CA10: variants seen among roughly 807,000 people sequenced by gnomAD.
The protein encoded by CA10 is carbonic anhydrase-related protein 10.
In CA10, 14 loss-of-function variants were observed where a neutral mutation model predicts 44.2. The ratio of observed to expected loss-of-function variants is 0.32; its 90% CI spans 0.21 to 0.50. The LOEUF (loss-of-function observed/expected upper bound fraction) is 0.50. CA10 is among the 20% of genes least tolerant of loss of function. The probability of loss-of-function intolerance (pLI) is 0.99; values close to 1 mark genes in which losing one functional copy is unlikely to be tolerated. For missense variants in CA10, 350 were observed against 409.7 expected (o/e 0.85, Z 1.26); for synonymous variants, 159 against 141.6 (o/e 1.12, Z -0.87).
intron 2 of CA10, among the ~76,000 whole-genome samples, chr17:52,063,479 G>A (rs886888562): frequency 6.6e-6 from 1 of 152,168 alleles, no homozygotes; most frequent in African/African-American, 2.4e-5. Context: ...TGTTGCAGGT[G>A]GGGTCTAATG....
In CA10 at chr17:51,857,763, T is replaced by C. The variant is rs536836405; in HGVS notation, c.279+73227A>G. On this transcript the variant is annotated intron_variant, in intron 3 of 8. Coordinates refer to ENST00000451037, the MANE Select transcript of CA10 (RefSeq NM_020178.5). ...ACGATCTGAATGACATAAGAGACAG[T>C]GGATGACACAAGCACAATATTCTGC... Among the ~76,000 whole-genome samples the C allele has an allele frequency of 1.8e-3, 280 of 152,238 alleles. 1 individual carries two copies. The highest frequency in any genetic ancestry group is 6.4e-3 in the African/African-American group (265 of 41,552).
At position 51,922,612 on chromosome 17, in the gene CA10, G is replaced by C. The variant is rs542645226; in HGVS notation, c.279+8378C>G. Among the ~76,000 whole-genome samples the C allele has an allele frequency of 2.6e-5, 4 of 152,148 alleles. No individual in the cohort carries two copies. In the East Asian group the frequency reaches 7.7e-4, roughly 29 times the overall value. The stretch of plus-strand genomic sequence containing the variant: ...TATTTCTCATAAAATTCCCCGTGCT[G>C]CCACTTCGATATCTTTAGCTCCTGC... On this transcript the variant is annotated intron_variant, in intron 3 of 8. Transcript: ENST00000451037.
chr17:51,878,370 A>G (rs1428308988), intron 3 of CA10, among the ~76,000 whole-genome samples: 1 of 152,104 alleles, frequency 6.6e-6, no homozygotes, highest in Non-Finnish European at 1.5e-5. Context: ...TGTAGGAAGT[A>G]TGACCCTAAG....
intron 3 of CA10, among the ~76,000 whole-genome samples, chr17:51,787,129 G>T (rs1466755274): frequency 2.0e-5 from 3 of 152,190 alleles, no homozygotes; most frequent in Admixed American, 6.5e-5. Context: ...TCGGCCTGCA[G>T]TTGTCTTTCT....
At chr17:51,686,408 A>G (rs1200530179) in intron 4 of CA10, among the ~76,000 whole-genome samples, 1 of 152,166 alleles carries the variant, frequency 6.6e-6, no homozygotes, top group Non-Finnish European at 1.5e-5. Context: ...TCACCAAAGT[A>G]TCTCAATCAG....
Position 51,875,307 on chromosome 17 carries a change from A to T in CA10, c.279+55683T>A, listed in dbSNP as rs563059668. Among the ~76,000 whole-genome samples the T allele has an allele frequency of 1.6e-4, 24 of 152,286 alleles. No homozygotes were observed. In the South Asian group the frequency reaches 2.5e-3, roughly 16 times the overall value. On this transcript the variant is annotated intron_variant, in intron 3 of 8. Coordinates refer to ENST00000451037, the MANE Select transcript of CA10 (RefSeq NM_020178.5). Reference sequence around the variant, plus strand: ...ATTATGGGTATGAGGCACTGTGCCCAGCCTAGAAAGGCAGTTTTGACCTGG... The same window carrying T: ...ATTATGGGTATGAGGCACTGTGCCCTGCCTAGAAAGGCAGTTTTGACCTGG...
intron 2 of CA10, among the ~76,000 whole-genome samples, chr17:51,952,250 T>C (rs558780277): frequency 6.6e-6 from 1 of 152,312 alleles, no homozygotes; most frequent in South Asian, 2.1e-4. Context: ...TATCACACAC[T>C]GGGTGGTGAA....
At chr17:51,806,230 G>C (rs1907131186) in intron 3 of CA10, among the ~76,000 whole-genome samples, 1 of 152,172 alleles carries the variant, frequency 6.6e-6, no homozygotes. Context: ...CTATATTAGA[G>C]GGAGGAGAAA....
At chr17:51,764,490 G>C (rs1905299909) in intron 3 of CA10, among the ~76,000 whole-genome samples, 2 of 152,232 alleles carry the variant, frequency 1.3e-5, no homozygotes, top group Admixed American at 6.5e-5. Flanking sequence ...ACACAGGACA[G>C]GGCAGGTCCT....
chr17:52,083,913 T>TC (rs397710981), intron 1 of CA10, among the ~76,000 whole-genome samples: 1 of 151,896 alleles, frequency 6.6e-6, no homozygotes, highest in Non-Finnish European at 1.5e-5. Flanking sequence ...ATTTCTTTTT[T>TC]AGAGTAGATA....
intron 2 of CA10, among the ~76,000 whole-genome samples, chr17:52,029,663 G>A (rs947440734): frequency 2.6e-5 from 4 of 152,126 alleles, no homozygotes; most frequent in Admixed American, 1.3e-4. Flanking sequence ...CTGTCAGGAT[G>A]TTTGGCCAAT....
intron 4 of CA10, among the ~76,000 whole-genome samples, chr17:51,744,648 G>A (rs2143597486): frequency 6.6e-6 from 1 of 151,890 alleles, no homozygotes; most frequent in African/African-American, 2.4e-5. Context: ...AATAATTCCA[G>A]TAATATGAAG....
intron 2 of CA10, among the ~76,000 whole-genome samples, chr17:52,012,527 C>T (rs953305599): frequency 8.6e-5 from 13 of 151,872 alleles, no homozygotes; most frequent in Non-Finnish European, 1.5e-4. Context: ...GGTGAAAGGG[C>T]CCTTAGATAT....
At chr17:52,013,840 G>A (rs181478762) in intron 2 of CA10, among the ~76,000 whole-genome samples, 7 of 152,008 alleles carry the variant, frequency 4.6e-5, no homozygotes, top group Admixed American at 2.0e-4. Flanking sequence ...ATAAAATAAC[G>A]TAGTATAGTT....
chr17:51,972,801 C>T (rs1598147364), intron 2 of CA10, among the ~76,000 whole-genome samples: 1 of 150,786 alleles, frequency 6.6e-6, no homozygotes, highest in East Asian at 1.9e-4. Flanking sequence ...AATCTAAAAC[C>T]AAAAACTTAG....
chr17:52,067,012 C>T (rs1987555150), intron 2 of CA10, among the ~76,000 whole-genome samples: 1 of 152,142 alleles, frequency 6.6e-6, no homozygotes, highest in Non-Finnish European at 1.5e-5. Context: ...AGTTTGCAGC[C>T]TGATGATGTG....
intron 3 of CA10, among the ~76,000 whole-genome samples, chr17:51,845,742 G>A: frequency 6.6e-6 from 1 of 152,150 alleles, no homozygotes; most frequent in East Asian, 1.9e-4. Flanking sequence ...GATAAAAAGT[G>A]GGCTTCTTTC....
At chr17:51,828,590 A>G (rs1908119910) in intron 3 of CA10, among the ~76,000 whole-genome samples, 1 of 152,298 alleles carries the variant, frequency 6.6e-6, no homozygotes, top group Admixed American at 6.5e-5. Flanking sequence ...AAGGCATCCC[A>G]AACTTTTACT....
At chr17:52,085,100 T>C (rs1206054150) in intron 1 of CA10, among the ~76,000 whole-genome samples, 1 of 152,216 alleles carries the variant, frequency 6.6e-6, no homozygotes, top group Non-Finnish European at 1.5e-5. Flanking sequence ...TTTAGACTTA[T>C]CCATCACTCA....
Sources: allele counts gnomAD v4.1 joint callset (sites outside exome capture counted in the v4.1 genomes callset), GRCh38; gene constraint gnomAD v4.1.1; transcripts MANE v1.5; gene names NCBI Gene and HGNC (gene_info 2026-07-23, HGNC 2026-07-21).